The following APOL3 variants were observed in gnomAD, a reference collection of about 807,000 sequenced individuals.
The protein encoded by APOL3 is TNF-inducible protein CG12-1.
APOL3 carries 14 observed loss-of-function variants against 11.6 expected under a neutral mutation model. That is an observed-to-expected ratio of 1.21 (90% CI 0.80 to 1.89). The LOEUF (loss-of-function observed/expected upper bound fraction) is 1.89. Ranked by LOEUF, APOL3 falls within the 40% of genes most tolerant of loss-of-function variation. APOL3 has a pLI of 0.00. For missense variants in APOL3, 483 were observed against 492.1 expected, an observed-to-expected ratio of 0.98 and a Z score of 0.17; for synonymous variants, 192 against 190.6, an observed-to-expected ratio of 1.01 and a Z score of -0.06.
intron 1 of APOL3, among the ~76,000 whole-genome samples, chr22:36,147,140 C>T (rs191075251): frequency 1.3e-5 from 2 of 152,346 alleles, no homozygotes; most frequent in Admixed American, 6.5e-5. Context: ...CCTGCATTCT[C>T]CACTGTAGTA....
At chr22:36,153,693 G>A (rs560192493) in intron 1 of APOL3, among the ~76,000 whole-genome samples, 21 of 152,198 alleles carry the variant, frequency 1.4e-4, no homozygotes, top group Non-Finnish European at 2.6e-4. Context: ...AGTCCCAACC[G>A]CTGTGAACCC....
At chr22:36,141,329 T>C (rs748045649) in exon 3 of APOL3, 1 of 1,614,064 alleles carries the variant, frequency 6.2e-7, no homozygotes, top group Middle Eastern at 1.6e-4. Context: ...GCAAGTGCTT[T>C]GACTCGTATA....
intron 1 of APOL3, chr22:36,157,109 C>G (rs185725483): frequency 5.4e-5 from 24 of 444,924 alleles, no homozygotes; most frequent in Non-Finnish European, 1.0e-4. Context: ...GTGTCCTCCC[C>G]AGTCTTATTA....
intron 2 of APOL3, 111 bp from the exon 4 acceptor site, chr22:36,142,169 G>T: frequency 8.2e-7 from 1 of 1,219,078 alleles, no homozygotes; most frequent in Non-Finnish European, 1.1e-6. Context: ...GAGTCAAATG[G>T]AAATAAAGCT....
chr22:36,143,422 A>G (rs896143275), intron 2 of APOL3, among the ~76,000 whole-genome samples: 1 of 152,250 alleles, frequency 6.6e-6, no homozygotes, highest in African/African-American at 2.4e-5. Context: ...GTGAATTATC[A>G]AACCTGAGTG....
At chr22:36,153,338 T>C in intron 1 of APOL3, 2 of 455,076 alleles carry the variant, frequency 4.4e-6, no homozygotes, top group South Asian at 3.1e-5. Context: ...TGGAGAAGTG[T>C]GAGCAAGTGC....
At position 36,145,393 on chromosome 22, in the gene APOL3, C is replaced by A. The variant is rs989711083; in HGVS notation, c.350+80G>T. On this transcript the variant is annotated intron_variant, in intron 2 of 2. Transcript: ENST00000349314. ...GAGGGGGCTGCCTGGAGGAGGTGTG[C>A]CTGCCAGAGAAAACTAGCCCAGGGG... is the stretch of plus-strand genomic sequence containing the variant. 7.2e-6 allele frequency: 11 copies of A among 1,535,554 alleles called. No individual in the cohort carries two copies. The Admixed American group carries it at 1.8e-4, about 25-fold the overall frequency.
chr22:36,151,947 T>A (rs2011776396), intron 1 of APOL3, among the ~76,000 whole-genome samples: 1 of 152,030 alleles, frequency 6.6e-6, no homozygotes, highest in South Asian at 2.1e-4. Flanking sequence ...AGAAAGTTAC[T>A]TGAGAATGAG....
upstream of APOL3, among the ~76,000 whole-genome samples, chr22:36,161,253 C>T (rs1292660352): frequency 2.0e-5 from 3 of 152,122 alleles, no homozygotes; most frequent in South Asian, 2.1e-4. Context: ...GGCTGGAGTG[C>T]GGTGGCACAA....
chr22:36,156,807 C>A (rs1886755837), intron 1 of APOL3: 3 of 372,708 alleles, frequency 8.0e-6, no homozygotes, highest in South Asian at 2.0e-5. Flanking sequence ...CCGGCAGGGA[C>A]CCTGCGGTGT....
At chr22:36,154,611 A>T (rs1373017805) in intron 1 of APOL3, 13 of 470,986 alleles carry the variant, frequency 2.8e-5, no homozygotes, top group South Asian at 1.9e-4. Flanking sequence ...GGACTCCCAG[A>T]AGGGCTGTGT....
At chr22:36,142,825 C>T (rs1390798657) in intron 2 of APOL3, among the ~76,000 whole-genome samples, 1 of 152,174 alleles carries the variant, frequency 6.6e-6, no homozygotes, top group Non-Finnish European at 1.5e-5. Context: ...CTCCTCTAGG[C>T]GCTGACCTTC....
chr22:36,163,778 C>G (rs1262457650), upstream of APOL3, among the ~76,000 whole-genome samples: 1 of 152,228 alleles, frequency 6.6e-6, no homozygotes, highest in African/African-American at 2.4e-5. Flanking sequence ...TTCTGGATTG[C>G]CAGCTGCATC....
upstream of APOL3, among the ~76,000 whole-genome samples, chr22:36,164,398 C>T (rs922056709): frequency 6.6e-6 from 1 of 152,224 alleles, no homozygotes; most frequent in Non-Finnish European, 1.5e-5. Context: ...AAACCTGTTA[C>T]AACCTCCGAG....
chr22:36,160,841 C>A (rs1050329029), exon 1 of APOL3: 1 of 1,612,256 alleles, frequency 6.2e-7, no homozygotes, highest in Non-Finnish European at 8.5e-7. Context: ...AGCTCCTGAT[C>A]AAACATGCAA....
intron 2 of APOL3, among the ~76,000 whole-genome samples, chr22:36,142,697 A>C (rs1569528857): frequency 6.6e-6 from 1 of 152,168 alleles, no homozygotes; most frequent in South Asian, 2.1e-4. Context: ...TGGGGACTCC[A>C]TGTCAGCCAT....
chr22:36,141,291 T>C (rs2059974160), exon 3 of APOL3: 7 of 1,614,052 alleles, frequency 4.3e-6, no homozygotes, highest in Non-Finnish European at 5.9e-6. Flanking sequence ...CCTCAGCTCC[T>C]CAGCAGATGC....
At chr22:36,142,826 G>A (rs1374508059) in intron 2 of APOL3, among the ~76,000 whole-genome samples, 2 of 152,228 alleles carry the variant, frequency 1.3e-5, no homozygotes, top group South Asian at 2.1e-4. Flanking sequence ...TCCTCTAGGC[G>A]CTGACCTTCC....
intron 1 of APOL3, among the ~76,000 whole-genome samples, chr22:36,157,983 G>A (rs1367988548): frequency 6.6e-6 from 1 of 152,192 alleles, no homozygotes; most frequent in Non-Finnish European, 1.5e-5. Flanking sequence ...CCCGGAGGTG[G>A]AGGTTGCAGT....
Sources: gnomAD v4.1 joint callset for allele counts (sites outside exome capture counted in the v4.1 genomes callset) on GRCh38, gnomAD v4.1.1 for gene constraint, MANE v1.5 for transcripts, NCBI Gene and HGNC (gene_info 2026-07-23, HGNC 2026-07-21) for gene names.